The following CDH12 variants were observed in gnomAD, a reference collection of about 807,000 sequenced individuals.
CDH12 encodes the protein cadherin-12.
CDH12 carries 41 observed loss-of-function variants against 74.1 expected under a neutral mutation model. The ratio of observed to expected loss-of-function variants is 0.55; its 90% CI spans 0.43 to 0.72. The LOEUF is 0.72. Among genes scored for constraint, CDH12 ranks in the 30% least tolerant of loss-of-function variants. The pLI, the probability that CDH12 is intolerant of heterozygous loss-of-function variation, is 0.00. For missense variants in CDH12, 945 were observed against 977.2 expected, an observed-to-expected ratio of 0.97 and a Z score of 0.44; for synonymous variants, 399 against 355.0, an observed-to-expected ratio of 1.12 and a Z score of -1.39.
intron 1 of CDH12, among the ~76,000 whole-genome samples, chr5:22,608,687 G>C (rs573989397): frequency 3.0e-4 from 46 of 152,278 alleles, no homozygotes; most frequent in Middle Eastern, 3.4e-3. Flanking sequence ...TCATGGGTGG[G>C]AGCATGTGGA....
chr5:22,539,042 C>A (rs1252850366), intron 1 of CDH12, among the ~76,000 whole-genome samples: 1 of 152,128 alleles, frequency 6.6e-6, no homozygotes, highest in African/African-American at 2.4e-5. Context: ...ATTACAGGTG[C>A]AAGCCACTGT....
At chr5:22,669,279 T>C (rs1740783340) in intron 1 of CDH12, among the ~76,000 whole-genome samples, 1 of 152,168 alleles carries the variant, frequency 6.6e-6, no homozygotes. Context: ...ATTTTCTCAT[T>C]TGAAGCTGAA....
Position 21,783,474 on chromosome 5 carries a change from C to T in CDH12, c.1277G>A (p.Ser426Asn). ...TATTGTAAAGTAGCTGTCCCCATCACTCTTCCAATCTATGAAGTACCTGTA... is the reference window on the plus strand; with the variant it reads ...TATTGTAAAGTAGCTGTCCCCATCATTCTTCCAATCTATGAAGTACCTGTA... ...SAVRYFIDWK[S>N]DGDSYFTIDG... Residue 426 changes from serine to asparagine, a missense_variant, in exon 11 of 15, where the codon AGT becomes AAT. Around this residue, in one of 3 missense-constraint regions of CDH12, gnomAD observed 791 missense variants for 792.8 expected, o/e 1.00. Coordinates refer to ENST00000382254, the MANE Select transcript of CDH12 (RefSeq NM_004061.5). 1 of 1,606,878 alleles carries T rather than the reference C, an allele frequency of 6.2e-7. No homozygotes were observed. Among genetic ancestry groups the T allele is most frequent in the South Asian group, 1.1e-5 (1 of 90,918 alleles).
At chr5:22,214,393 T>C (rs1490792657) in intron 3 of CDH12, among the ~76,000 whole-genome samples, 1 of 152,192 alleles carries the variant, frequency 6.6e-6, no homozygotes, top group Non-Finnish European at 1.5e-5. Flanking sequence ...CAATTTTAGA[T>C]TGGCATGAGA....
At chr5:21,857,945 C>G (rs1001934930) in intron 6 of CDH12, among the ~76,000 whole-genome samples, 2 of 151,552 alleles carry the variant, frequency 1.3e-5, no homozygotes, top group African/African-American at 4.8e-5. Context: ...CCTCTGTGCT[C>G]AGACAGAGAG....
chr5:22,405,759 A>C (rs1410996100), intron 2 of CDH12, among the ~76,000 whole-genome samples: 1 of 152,152 alleles, frequency 6.6e-6, no homozygotes, highest in Non-Finnish European at 1.5e-5. Context: ...CTGTAATGAC[A>C]TTTCTTGTTA....
chr5:22,333,667 A>G (rs1416139111), intron 3 of CDH12, among the ~76,000 whole-genome samples: 1 of 152,224 alleles, frequency 6.6e-6, no homozygotes, highest in African/African-American at 2.4e-5. Context: ...CAAACTAGAA[A>G]AAGACATTCA....
chr5:22,715,120 T>C (rs892252424), intron 1 of CDH12, among the ~76,000 whole-genome samples: 22 of 152,182 alleles, frequency 1.4e-4, no homozygotes, highest in African/African-American at 4.6e-4. Flanking sequence ...CTTTAATCAG[T>C]AGCACAGGCA....
At chr5:22,286,966 A>G (rs947671396) in intron 3 of CDH12, among the ~76,000 whole-genome samples, 1 of 152,226 alleles carries the variant, frequency 6.6e-6, no homozygotes, top group Non-Finnish European at 1.5e-5. Flanking sequence ...AAGATAGGAA[A>G]TATACCACTG....
intron 4 of CDH12, among the ~76,000 whole-genome samples, chr5:22,209,256 T>C (rs1412741677): frequency 1.3e-5 from 2 of 152,194 alleles, no homozygotes; most frequent in African/African-American, 2.4e-5. Flanking sequence ...TTGAAAAATA[T>C]TACCACAATA....
chr5:22,124,955 GCAAA>G (rs986836400), intron 4 of CDH12, among the ~76,000 whole-genome samples: 14 of 152,154 alleles, frequency 9.2e-5, no homozygotes, highest in African/African-American at 2.4e-4. Flanking sequence ...GAAAAACAAA[GCAAA>G]CAAACAAACA....
chr5:22,826,491 G>A (rs1230593487), intron 1 of CDH12, among the ~76,000 whole-genome samples: 1 of 152,166 alleles, frequency 6.6e-6, no homozygotes, highest in East Asian at 1.9e-4. Flanking sequence ...TTTGGAACTG[G>A]GTAACAGACA....
In CDH12 at chr5:22,796,439, G is replaced by T. The variant is rs796181457; in HGVS notation, c.-523+56619C>A. Among the ~76,000 whole-genome samples, 5 of 151,172 alleles carry T rather than the reference G, an allele frequency of 3.3e-5. No homozygotes were observed. In the South Asian group the frequency reaches 1.0e-3, roughly 32 times the overall value. Reference sequence around the variant, plus strand: ...TTTGCATTTCAGTTATTAGTAGGATGCTGAACATTTTTTTCATATTCCTGT... The same window carrying T: ...TTTGCATTTCAGTTATTAGTAGGATTCTGAACATTTTTTTCATATTCCTGT... On this transcript the variant is annotated intron_variant, in intron 1 of 14. Transcript: ENST00000382254.
intron 5 of CDH12, among the ~76,000 whole-genome samples, chr5:22,055,410 C>A (rs575792916): frequency 6.6e-6 from 1 of 152,240 alleles, no homozygotes; most frequent in East Asian, 1.9e-4. Flanking sequence ...TTGAAACCTG[C>A]ATTTTCATTC....
intron 10 of CDH12, among the ~76,000 whole-genome samples, chr5:21,801,059 A>T (rs1747085132): frequency 6.6e-6 from 1 of 152,178 alleles, no homozygotes; most frequent in Admixed American, 6.5e-5. Flanking sequence ...GGATGGTAGC[A>T]GCTAGAACTG....
chr5:22,151,228 C>G (rs972087086), intron 4 of CDH12, among the ~76,000 whole-genome samples: 7 of 152,060 alleles, frequency 4.6e-5, no homozygotes, highest in Non-Finnish European at 1.0e-4. Flanking sequence ...TACATGCAGC[C>G]TGATACTGAA....
intron 1 of CDH12, among the ~76,000 whole-genome samples, chr5:22,709,270 CATTG>C (rs1743177931): frequency 6.6e-6 from 1 of 151,992 alleles, no homozygotes; most frequent in East Asian, 1.9e-4. Context: ...GAAATATTTC[CATTG>C]AAAAGCTATA....
intron 11 of CDH12, among the ~76,000 whole-genome samples, chr5:21,780,637 T>A (rs1206523543): frequency 6.6e-6 from 1 of 152,198 alleles, no homozygotes; most frequent in Non-Finnish European, 1.5e-5. Context: ...ATGGACAACA[T>A]GTTTATGATA....
chr5:22,308,933 AAGAG>A (rs147943865), intron 3 of CDH12, among the ~76,000 whole-genome samples: 49,057 of 101,960 alleles, frequency 0.48, 9,677 homozygotes, highest in East Asian at 0.64. Context: ...GAGAGAGAGA[AAGAG>A]AGAGAGAGAG....
Sources: allele counts gnomAD v4.1 joint callset (sites outside exome capture counted in the v4.1 genomes callset), GRCh38; gene constraint gnomAD v4.1.1; regional missense constraint gnomAD v4.1.1; transcripts MANE v1.5; gene names NCBI Gene and HGNC (gene_info 2026-07-23, HGNC 2026-07-21).